The following NRG3 variants were observed in gnomAD, a reference collection of about 807,000 sequenced individuals.
The protein encoded by NRG3 is neuregulin 3, also known as pro-neuregulin-3, membrane-bound isoform.
NRG3 carries 31 observed loss-of-function variants against 66.9 expected under a neutral mutation model. That is an observed-to-expected ratio of 0.46 (90% CI 0.35 to 0.63). NRG3 has a LOEUF of 0.63. Ranked by LOEUF, NRG3 falls within the 20% of genes least tolerant of loss-of-function variation. The pLI, the probability that NRG3 is intolerant of heterozygous loss-of-function variation, is 0.00. For missense variants in NRG3, 910 were observed against 878.9 expected (o/e 1.04, Z -0.45); for synonymous variants, 393 against 359.4 (o/e 1.09, Z -1.06).
chr10:82,483,556 C>T (rs1438457527), intron 2 of NRG3, among the ~76,000 whole-genome samples: 2 of 152,098 alleles, frequency 1.3e-5, no homozygotes, highest in Non-Finnish European at 2.9e-5. Flanking sequence ...AGGTGTTTCC[C>T]CTCTGTTTAA....
At chr10:82,119,836 T>C (rs538090556) in intron 1 of NRG3, among the ~76,000 whole-genome samples, 4 of 152,204 alleles carry the variant, frequency 2.6e-5, no homozygotes, top group African/African-American at 9.6e-5. Context: ...AAATTTGGAA[T>C]GACGTTTCTG....
chr10:82,906,729 A>C (rs1230982448), intron 4 of NRG3, among the ~76,000 whole-genome samples: 1 of 150,150 alleles, frequency 6.7e-6, no homozygotes, highest in African/African-American at 2.5e-5. Context: ...TCCATTGAGC[A>C]AATCACACCA....
chr10:82,295,284 G>A lies in NRG3; in HGVS notation c.824-63455G>A, dbSNP rs139611862. On this transcript the variant is annotated intron_variant, in intron 1 of 8. Transcript: ENST00000372141. The stretch of plus-strand genomic sequence containing the variant: ...TTTAAGATGTAGATGGGATTCCATG[G>A]AAAAGGACAAAGATGGATGATTATG... Among the ~76,000 whole-genome samples, 322 of 152,274 alleles carry A rather than the reference G, an allele frequency of 2.1e-3. 2 individuals carry two copies. The highest frequency in any genetic ancestry group is 0.013 in the South Asian group (65 of 4,826).
chr10:82,599,375 G>A (rs956560831), intron 2 of NRG3, among the ~76,000 whole-genome samples: 3 of 152,158 alleles, frequency 2.0e-5, no homozygotes, highest in African/African-American at 7.2e-5. Flanking sequence ...GCAGAGAGGA[G>A]ACCAAATAGC....
intron 1 of NRG3, among the ~76,000 whole-genome samples, chr10:81,890,858 A>G (rs1842954358): frequency 1.3e-5 from 2 of 152,180 alleles, no homozygotes; most frequent in African/African-American, 4.8e-5. Context: ...TTGGCCAGTG[A>G]TACTTTTAAA....
chr10:82,453,637 A>G (rs1029897335), intron 2 of NRG3, among the ~76,000 whole-genome samples: 36 of 152,076 alleles, frequency 2.4e-4, no homozygotes, highest in African/African-American at 8.0e-4. Flanking sequence ...ATGAGAATAG[A>G]TATAGGGAAG....
At chr10:82,927,745 G>A (rs1847154573) in intron 4 of NRG3, among the ~76,000 whole-genome samples, 2 of 152,146 alleles carry the variant, frequency 1.3e-5, no homozygotes, top group African/African-American at 2.4e-5. Context: ...GTCTATCATT[G>A]ATGAGCATTT....
intron 6 of NRG3, among the ~76,000 whole-genome samples, chr10:82,970,814 C>T (rs1851653600): frequency 6.6e-6 from 1 of 152,116 alleles, no homozygotes; most frequent in Non-Finnish European, 1.5e-5. Flanking sequence ...AATACATCTC[C>T]CATATAGTTT....
chr10:82,363,443 TTTTGTTTG>T (rs3068953), intron 2 of NRG3, among the ~76,000 whole-genome samples: 13 of 151,894 alleles, frequency 8.6e-5, no homozygotes, highest in Admixed American at 4.6e-4. Context: ...TTATACTGTT[TTTTGTTTG>T]TTTGTTTGTT....
At chr10:82,885,599 A>T (rs1842653953) in intron 4 of NRG3, among the ~76,000 whole-genome samples, 1 of 152,244 alleles carries the variant, frequency 6.6e-6, no homozygotes, top group Non-Finnish European at 1.5e-5. Context: ...GTCAATACAG[A>T]TCTTCAAAAA....
chr10:82,035,488 A>G (rs1052546777), intron 1 of NRG3, among the ~76,000 whole-genome samples: 1 of 152,136 alleles, frequency 6.6e-6, no homozygotes, highest in African/African-American at 2.4e-5. Flanking sequence ...CACTGTTGCT[A>G]TGATAAACTG....
chr10:82,572,291 C>A (rs993816606), intron 2 of NRG3, among the ~76,000 whole-genome samples: 2 of 151,170 alleles, frequency 1.3e-5, no homozygotes, highest in African/African-American at 4.9e-5. Context: ...TCAGGAAGTT[C>A]TTGGTAAGTT....
intron 5 of NRG3, among the ~76,000 whole-genome samples, chr10:82,958,109 G>A (rs1850249988): frequency 6.6e-6 from 1 of 152,198 alleles, no homozygotes; most frequent in African/African-American, 2.4e-5. Flanking sequence ...CCCTACAGCA[G>A]TTTCAGCCTT....
intron 1 of NRG3, among the ~76,000 whole-genome samples, chr10:82,126,881 T>C (rs2068481975): frequency 6.6e-6 from 1 of 152,034 alleles, no homozygotes; most frequent in South Asian, 2.1e-4. Flanking sequence ...GAGCCCAGGT[T>C]GGAGACACAG....
intron 1 of NRG3, among the ~76,000 whole-genome samples, chr10:82,010,042 T>G (rs1390152075): frequency 5.3e-5 from 8 of 152,186 alleles, no homozygotes; most frequent in Admixed American, 6.5e-5. Context: ...AGATCTGAGA[T>G]GTAGGGCAGA....
At chr10:82,879,534 G>A (rs577627976) in intron 4 of NRG3, among the ~76,000 whole-genome samples, 10 of 148,720 alleles carry the variant, frequency 6.7e-5, no homozygotes, top group African/African-American at 2.5e-4. Context: ...GTGCAGTGGC[G>A]CGATCTCGGC....
At chr10:82,244,420 C>T (rs1185106347) in intron 1 of NRG3, among the ~76,000 whole-genome samples, 2 of 152,084 alleles carry the variant, frequency 1.3e-5, no homozygotes. Flanking sequence ...TGTCTGGAGA[C>T]CTAGGTTCTG....
intron 4 of NRG3, among the ~76,000 whole-genome samples, chr10:82,949,428 T>C (rs185500919): frequency 1.5e-3 from 227 of 152,114 alleles, no homozygotes; most frequent in Admixed American, 4.4e-3. Flanking sequence ...TTTTCAGTGA[T>C]GAGAAGCCCC....
At chr10:82,214,650 A>G (rs778314226) in intron 1 of NRG3, among the ~76,000 whole-genome samples, 16 of 152,012 alleles carry the variant, frequency 1.1e-4, no homozygotes, top group Non-Finnish European at 2.1e-4. Flanking sequence ...TTTTTTTTGC[A>G]CAGAGATGGG....
Sources: gnomAD v4.1 joint callset for allele counts (sites outside exome capture counted in the v4.1 genomes callset) on GRCh38, gnomAD v4.1.1 for gene constraint, MANE v1.5 for transcripts, NCBI Gene and HGNC (gene_info 2026-07-23, HGNC 2026-07-21) for gene names.